The following GRIK2 variants were observed in gnomAD, a reference collection of about 807,000 sequenced individuals.
GRIK2 encodes glutamate ionotropic receptor kainate type subunit 2.
In GRIK2, 32 loss-of-function variants were observed where a neutral mutation model predicts 100.3. The observed-to-expected ratio is 0.32, with a 90% CI of 0.24 to 0.43. The LOEUF (loss-of-function observed/expected upper bound fraction) is 0.43, where lower values mean the gene tolerates loss of function less well. Ranked by LOEUF, GRIK2 falls within the 20% of genes least tolerant of loss-of-function variation. The pLI, the probability that GRIK2 is intolerant of heterozygous loss-of-function variation, is 1.00. For synonymous variants in GRIK2, 417 were observed against 389.4 expected (o/e 1.07, Z -0.83); for missense variants, 843 against 1,114.9 (o/e 0.76, Z 3.47).
chr6:101,944,658 CA>C (rs1390411977), intron 14 of GRIK2, among the ~76,000 whole-genome samples: 10 of 151,478 alleles, frequency 6.6e-5, no homozygotes, highest in Admixed American at 4.6e-4. Flanking sequence ...TCACACTGAA[CA>C]AAAGCAAACT....
intron 11 of GRIK2, among the ~76,000 whole-genome samples, chr6:101,875,130 A>C (rs940867001): frequency 6.6e-5 from 10 of 151,986 alleles, no homozygotes; most frequent in Non-Finnish European, 1.3e-4. Context: ...TTCCAACACT[A>C]TGTTGAATAG....
At chr6:101,719,745 A>C (rs1486995262) in intron 7 of GRIK2, among the ~76,000 whole-genome samples, 1 of 152,000 alleles carries the variant, frequency 6.6e-6, no homozygotes, top group Non-Finnish European at 1.5e-5. Flanking sequence ...CCTCTGCCAG[A>C]TAACAGCTCA....
intron 10 of GRIK2, among the ~76,000 whole-genome samples, chr6:101,845,209 G>A (rs1056560769): frequency 6.6e-6 from 1 of 151,962 alleles, no homozygotes; most frequent in South Asian, 2.1e-4. Context: ...GTACAGATGG[G>A]GTCTCGCTAT....
At position 101,713,489 on chromosome 6, in the gene GRIK2, CAAAG is replaced by C. The variant is rs201753002; in HGVS notation, c.951+27140_951+27143del. 1.9e-3 allele frequency among the ~76,000 whole-genome samples: 291 copies of C among 151,740 alleles called. 3 individuals carry two copies. The highest frequency in any genetic ancestry group is 6.7e-3 in the African/African-American group (277 of 41,450). ...GATATTACTGAAGAAATATGTTTAT[CAAAG>C]AAAAGATTCAAGGTGGGCTTTATTA... On this transcript the variant is annotated intron_variant, in intron 7 of 16. Transcript: ENST00000369134.
At chr6:101,748,535 G>C (rs999960562) in intron 7 of GRIK2, among the ~76,000 whole-genome samples, 1 of 151,740 alleles carries the variant, frequency 6.6e-6, no homozygotes, top group African/African-American at 2.4e-5. Flanking sequence ...GTTCAATTTA[G>C]GTAGTATTTA....
At chr6:101,456,092 TGGACATTA>T (rs1246666059) in intron 2 of GRIK2, among the ~76,000 whole-genome samples, 1 of 151,312 alleles carries the variant, frequency 6.6e-6, no homozygotes, top group African/African-American at 2.4e-5. Flanking sequence ...TTTAAGTTGT[TGGACATTA>T]GCAGGAATTG....
chr6:102,038,688 A>G (rs975075879), intron 15 of GRIK2, among the ~76,000 whole-genome samples: 5 of 147,722 alleles, frequency 3.4e-5, no homozygotes, highest in Non-Finnish European at 7.6e-5. Context: ...AGGTGTGAAA[A>G]ATATTCCTTG....
chr6:101,558,973 C>A lies in GRIK2; in HGVS notation c.116-62976C>A, dbSNP rs145014185. Among the ~76,000 whole-genome samples the A allele has an allele frequency of 1.4e-3, 215 of 152,018 alleles. 1 individual carries two copies. Among genetic ancestry groups the A allele is most frequent in the African/African-American group, 5.0e-3 (209 of 41,474 alleles). ...TTTGCTATTTCTGTATTCTTTATCT[C>A]GTTCATTATCTCCACCTTCCTTTTG... On this transcript the variant is annotated intron_variant, in intron 2 of 16. Transcript: ENST00000369134.
At chr6:101,562,914 C>T (rs1777088319) in intron 2 of GRIK2, among the ~76,000 whole-genome samples, 1 of 152,050 alleles carries the variant, frequency 6.6e-6, no homozygotes, top group Admixed American at 6.6e-5. Flanking sequence ...TGTAATGATA[C>T]TTTTTAAACA....
chr6:101,863,783 C>T (rs1187697185), intron 11 of GRIK2, among the ~76,000 whole-genome samples: 1 of 152,202 alleles, frequency 6.6e-6, no homozygotes, highest in Non-Finnish European at 1.5e-5. Context: ...GTTTCTTACT[C>T]TGTCTTGAGT....
intron 14 of GRIK2, among the ~76,000 whole-genome samples, chr6:102,031,648 A>G (rs535427208): frequency 6.6e-6 from 1 of 151,000 alleles, no homozygotes; most frequent in African/African-American, 2.4e-5. Context: ...CCCCGTGTCT[A>G]TTGTTGCTAT....
At chr6:101,432,090 C>T (rs1338848594) in intron 2 of GRIK2, among the ~76,000 whole-genome samples, 2 of 151,834 alleles carry the variant, frequency 1.3e-5, no homozygotes, top group Admixed American at 6.5e-5. Flanking sequence ...AATTGTTGCT[C>T]TTCTCATTAG....
chr6:101,957,510 G>A (rs1445812060), intron 14 of GRIK2, among the ~76,000 whole-genome samples: 1 of 150,816 alleles, frequency 6.6e-6, no homozygotes, highest in Non-Finnish European at 1.5e-5. Flanking sequence ...ATTTTTTACT[G>A]TGCAGACACT....
chr6:101,727,322 A>T (rs1225653556), intron 7 of GRIK2, among the ~76,000 whole-genome samples: 1 of 152,132 alleles, frequency 6.6e-6, no homozygotes, highest in African/African-American at 2.4e-5. Flanking sequence ...GCTATAATTC[A>T]TATTTCAAGT....
At chr6:101,526,307 A>C (rs1374642274) in intron 2 of GRIK2, among the ~76,000 whole-genome samples, 1 of 152,196 alleles carries the variant, frequency 6.6e-6, no homozygotes, top group Non-Finnish European at 1.5e-5. Context: ...ACCTGATACT[A>C]ATTGATAGAA....
chr6:101,827,429 A>G (rs1782404987), intron 10 of GRIK2, among the ~76,000 whole-genome samples: 1 of 151,924 alleles, frequency 6.6e-6, no homozygotes, highest in Admixed American at 6.6e-5. Flanking sequence ...AGCCTGGCAT[A>G]CTATTTGTTT....
intron 11 of GRIK2, among the ~76,000 whole-genome samples, chr6:101,885,403 A>G (rs1786543636): frequency 6.6e-6 from 1 of 152,146 alleles, no homozygotes; most frequent in Non-Finnish European, 1.5e-5. Flanking sequence ...ACAGAAAAAT[A>G]GTGGGAAATG....
At chr6:101,591,653 G>A (rs1447358599) in intron 2 of GRIK2, among the ~76,000 whole-genome samples, 1 of 151,938 alleles carries the variant, frequency 6.6e-6, no homozygotes, top group Non-Finnish European at 1.5e-5. Context: ...TAACAGTGAT[G>A]TTAACAATAA....
At chr6:101,972,450 T>C (rs1793109409) in intron 14 of GRIK2, among the ~76,000 whole-genome samples, 1 of 152,034 alleles carries the variant, frequency 6.6e-6, no homozygotes, top group Non-Finnish European at 1.5e-5. Context: ...ATGGAATCAT[T>C]TGTTTATTGC....
Sources: gnomAD v4.1 joint callset for allele counts (sites outside exome capture counted in the v4.1 genomes callset) on GRCh38, gnomAD v4.1.1 for gene constraint, MANE v1.5 for transcripts, NCBI Gene and HGNC (gene_info 2026-07-23, HGNC 2026-07-21) for gene names.